Variants in NUP210 observed in about 807,000 individuals in gnomAD.
NUP210 encodes the protein nuclear pore membrane glycoprotein 210.
NUP210 carries 151 observed loss-of-function variants against 196.0 expected under a neutral mutation model. The observed-to-expected ratio is 0.77, with a 90% CI of 0.67 to 0.88. The LOEUF is 0.88. Among genes scored for constraint, NUP210 ranks in the 40% least tolerant of loss-of-function variants. The pLI is 0.00. For synonymous variants in NUP210, 1,070 were observed against 1,052.7 expected (o/e 1.02, Z -0.32); for missense variants, 2,314 against 2,493.7 (o/e 0.93, Z 1.53).
chr3:13,391,160 C>T (rs1390714304), intron 4 of NUP210, 51 bp downstream of exon 4: 1 of 1,331,712 alleles, frequency 7.5e-7, no homozygotes, highest in Non-Finnish European at 1.1e-6. Context: ...ACAGGTGTCC[C>T]CCTTTCCCCT....
At chr3:13,386,450 G>T in intron 5 of NUP210, 43 bp from the exon 6 acceptor site, 1 of 1,611,012 alleles carries the variant, frequency 6.2e-7, no homozygotes, top group South Asian at 1.1e-5. Context: ...TGCGGACAGG[G>T]AATGGGGAAG....
At chr3:13,397,645 G>A (rs919920355) in intron 2 of NUP210, among the ~76,000 whole-genome samples, 157 bp from the exon 3 acceptor site, 2 of 152,202 alleles carry the variant, frequency 1.3e-5, no homozygotes, top group Non-Finnish European at 2.9e-5. Flanking sequence ...CCCACTGACA[G>A]TTAACAGGGA....
chr3:13,350,692 CTTT>C lies in NUP210; in HGVS notation c.2835+1184_2835+1186del, dbSNP rs59291391. ...AGTTACAGGAAAAAAAATAGAAATT[CTTT>C]TTTTTTTTTTTTTTTTGAGATGGAG... On this transcript the variant is annotated intron_variant, in intron 20 of 39. Transcript: ENST00000254508. The surrounding 1 kb of genome is among the most constrained non-coding windows in gnomAD (Gnocchi z 4.1). Among the ~76,000 whole-genome samples, 7 of 131,458 alleles carry C rather than the reference CTTT, an allele frequency of 5.3e-5. No individual in the cohort carries two copies. Among genetic ancestry groups the C allele is most frequent in the African/African-American group, 1.1e-4 (4 of 35,514 alleles). The allele number at this position is 131,458 out of a possible 152,430, so 86.2% of individuals were successfully genotyped here. A position where few individuals can be genotyped will look rare whatever the true frequency, so the allele number is the denominator to read the frequency against.
chr3:13,327,539 AACTG>A, intron 31 of NUP210, 102 bp from the exon 32 acceptor site: 2 of 885,194 alleles, frequency 2.3e-6, no homozygotes, highest in Non-Finnish European at 3.5e-6. Context: ...CAAAGCATTC[AACTG>A]ACTGAGGTCC....
chr3:13,418,505 G>A (rs1313429146), intron 1 of NUP210, among the ~76,000 whole-genome samples: 2 of 151,834 alleles, frequency 1.3e-5, no homozygotes, highest in African/African-American at 2.4e-5. Context: ...GGGAAGCTGA[G>A]GCAGGTGGAT....
At chr3:13,335,678 G>A (rs1697187571) in intron 27 of NUP210, 66 bp from the exon 28 acceptor site, 3 of 1,561,134 alleles carry the variant, frequency 1.9e-6, no homozygotes, top group South Asian at 1.2e-5. Flanking sequence ...AAAAGGCAGA[G>A]CCGGACAGTA....
In NUP210 at chr3:13,319,308, G is replaced by A. The variant is rs779216872; in HGVS notation, c.5401C>T (p.Gln1801Ter). ...GPGPYGASLF[Q>*]HFLDSYQVMF... ...ACCTGGTAGGAATCCAGGAAGTGCT[G>A]GAAGAGGCTGGCTCCATCTGCCATC... The change falls in exon 38 of 40, where the codon CAG (glutamine) becomes TAG (stop). Residue 1801 changes from glutamine (Q) to a stop codon, truncating the protein, a stop_gained. Coordinates refer to ENST00000254508, the MANE Select transcript of NUP210 (RefSeq NM_024923.4). LOFTEE classifies it high-confidence loss of function. The A allele has an allele frequency of 8.7e-6, 14 of 1,610,554 alleles. No individual in the cohort carries two copies. The Admixed American group carries it at 2.3e-4, about 27-fold the overall frequency.
Position 13,386,358 on chromosome 3 carries a change from A to G in NUP210, c.734T>C (p.Leu245Pro), listed in dbSNP as rs1699274613. The change falls in exon 6 of 40, where the codon CTG (leucine) becomes CCG (proline). Residue 245 changes from leucine to proline, a missense_variant. Transcript: ENST00000254508. ...CAGGTAGACGTCATAGGCCGGGTTC[A>G]GAAGGATGTTTTCCAAAATCAGCAG... ...VRLLILENILLNPAYDVYLMV... is the reference protein window; with the variant it reads ...VRLLILENILPNPAYDVYLMV... The G allele has an allele frequency of 1.2e-6, 2 of 1,614,214 alleles. No individual in the cohort carries two copies. The highest frequency in any genetic ancestry group is 2.2e-5 in the South Asian group (2 of 91,092).
At chr3:13,377,115 TTC>T (rs1487931687) in intron 9 of NUP210, among the ~76,000 whole-genome samples, 12 of 152,264 alleles carry the variant, frequency 7.9e-5, no homozygotes, top group Non-Finnish European at 1.0e-4. Flanking sequence ...GGAGAATGGA[TTC>T]TCTGAGGTCC....
intron 1 of NUP210, among the ~76,000 whole-genome samples, chr3:13,413,909 G>C (rs1295066864): frequency 6.6e-6 from 1 of 152,210 alleles, no homozygotes; most frequent in African/African-American, 2.4e-5. Context: ...ACAGACACCA[G>C]AAGAAAACTT....
chr3:13,323,460 G>A lies in NUP210; in HGVS notation c.4645-28C>T, dbSNP rs1185977666. The A allele has an allele frequency of 6.2e-7, 1 of 1,613,174 alleles. No homozygotes were observed. Among genetic ancestry groups the A allele is most frequent in the Non-Finnish European group, 8.5e-7 (1 of 1,179,660 alleles). ...AGAGAGGGAGCCAAGGAAGCTTCAT[G>A]GAGCGCCGCCTGTGTCCCGGTCCAT... On this transcript the variant is annotated intron_variant, in intron 33 of 39. Transcript: ENST00000254508. This position sits in a 1 kb window ranked among gnomAD's most constrained non-coding sequence, Gnocchi z 4.3.
chr3:13,398,802 TG>T (rs943681620), intron 2 of NUP210, among the ~76,000 whole-genome samples: 106 of 152,196 alleles, frequency 7.0e-4, no homozygotes, highest in African/African-American at 2.3e-3. Context: ...CATGCACCTG[TG>T]GTGGTCCCAG....
rs749839683 is a variant in NUP210, at chr3:13,360,375, G to A, written c.2049C>T (p.Thr683=). ...LEPSKFFQNV[T]AEDTDSIGLA... is the part of the protein sequence containing the mutation. The stretch of plus-strand genomic sequence containing the variant: ...GGCCGATGCTGTCAGTGTCCTCAGC[G>A]GTGACGTTCTGGAAGAATTTGGACG... Residue 683 remains threonine (T), a synonymous_variant, in exon 15 of 40, where the codon ACC becomes ACT. Transcript: ENST00000254508. 2.3e-5 allele frequency: 37 copies of A among 1,614,162 alleles called. No individual in the cohort carries two copies. The highest frequency in any genetic ancestry group is 1.6e-4 in the South Asian group (15 of 91,070).
chr3:13,340,329 C>G lies in NUP210; in HGVS notation c.3229-31G>C, dbSNP rs765781247. The G allele has an allele frequency of 8.7e-6, 14 of 1,603,942 alleles. No homozygotes were observed. In the South Asian group the frequency reaches 1.5e-4, roughly 18 times the overall value. ...GAGAGACACAGGAGAGAAAGGACTA[C>G]TGTGCCCCAAGCCCATGGCGCCAAG... On this transcript the variant is annotated intron_variant, in intron 23 of 39. Coordinates refer to ENST00000254508, the MANE Select transcript of NUP210 (RefSeq NM_024923.4). The surrounding 1 kb of genome is among the most constrained non-coding windows in gnomAD (Gnocchi z 4.0).
chr3:13,358,918 G>C (rs1419290309), intron 15 of NUP210, among the ~76,000 whole-genome samples: 1 of 152,214 alleles, frequency 6.6e-6, no homozygotes, highest in African/African-American at 2.4e-5. Flanking sequence ...GCAGCTCCAG[G>C]GGCTGCTGCA....
rs373443234 is a variant in NUP210, at chr3:13,420,146, C to T, written c.81G>A (p.Lys27=). ...LAAGPSAAAA[K]LNIPKVLLPF... ...GCAGCAGCACTTTGGGGATGTTGAGCTTGGCCGCAGCGGCGGAGGGGCCCG... is the reference window on the plus strand; with the variant it reads ...GCAGCAGCACTTTGGGGATGTTGAGTTTGGCCGCAGCGGCGGAGGGGCCCG... Residue 27 remains lysine (K), a synonymous_variant, in exon 1 of 40, where the codon AAG becomes AAA. Transcript: ENST00000254508. The surrounding 1 kb of genome is among the most constrained non-coding windows in gnomAD (Gnocchi z 4.8). 23 of 1,321,908 alleles carry T rather than the reference C, an allele frequency of 1.7e-5. No homozygotes were observed. The East Asian group carries it at 7.9e-4, about 45-fold the overall frequency. 81.9% of individuals were successfully genotyped at this position (1,321,908 alleles called of 1,614,324 possible). A position where few individuals can be genotyped will look rare whatever the true frequency, so the allele number is the denominator to read the frequency against.
chr3:13,366,362 C>A (rs1698536011), intron 13 of NUP210, among the ~76,000 whole-genome samples: 1 of 151,962 alleles, frequency 6.6e-6, no homozygotes. Context: ...GAACTCCTGA[C>A]CTCAAGTGAT....
chr3:13,351,780 G>T, intron 20 of NUP210, 99 bp downstream of exon 20: 1 of 801,500 alleles, frequency 1.2e-6, no homozygotes, highest in South Asian at 1.7e-5. Flanking sequence ...TTCCGAGTGT[G>T]AGTCAAGTGC....
intron 16 of NUP210, 151 bp downstream of exon 16, chr3:13,358,071 A>T (rs1698242689): frequency 1.6e-6 from 1 of 641,596 alleles, no homozygotes; most frequent in Non-Finnish European, 2.6e-6. Flanking sequence ...AAATGAAACC[A>T]GCGTCCTCAC....
Sources: allele counts gnomAD v4.1 joint callset (sites outside exome capture counted in the v4.1 genomes callset), GRCh38; gene constraint gnomAD v4.1.1; non-coding constraint Gnocchi (gnomAD v3.1); transcripts MANE v1.5; gene names NCBI Gene and HGNC (gene_info 2026-07-23, HGNC 2026-07-21).